IQGAP2: variants seen among roughly 807,000 people sequenced by gnomAD.
IQGAP2 encodes ras GTPase-activating-like protein IQGAP2.
In IQGAP2, 173 loss-of-function variants were observed where a neutral mutation model predicts 201.3. The ratio of observed to expected loss-of-function variants is 0.86; its 90% CI spans 0.76 to 0.98. The LOEUF is 0.98. Among genes scored for constraint, IQGAP2 ranks in the 50% least tolerant of loss-of-function variants. The pLI, the probability that IQGAP2 is intolerant of heterozygous loss-of-function variation, is 0.00. For synonymous variants in IQGAP2, 675 were observed against 673.9 expected (o/e 1.00, Z -0.03); for missense variants, 1,687 against 1,864.8 (o/e 0.90, Z 1.76).
At chr5:76,505,254 T>G (rs1228913966) in intron 2 of IQGAP2, among the ~76,000 whole-genome samples, 1 of 152,152 alleles carries the variant, frequency 6.6e-6, no homozygotes, top group Non-Finnish European at 1.5e-5. Context: ...AATGAATGAG[T>G]GAATGAATGT....
intron 2 of IQGAP2, among the ~76,000 whole-genome samples, chr5:76,491,212 G>A (rs1003917001): frequency 3.9e-5 from 6 of 152,066 alleles, no homozygotes; most frequent in African/African-American, 1.4e-4. Flanking sequence ...TCTTGTTGAT[G>A]CTTCTCTGAA....
chr5:76,539,434 C>T (rs1389062030), intron 2 of IQGAP2, among the ~76,000 whole-genome samples: 2 of 152,184 alleles, frequency 1.3e-5, no homozygotes, highest in Non-Finnish European at 2.9e-5. Flanking sequence ...TGACATGCTC[C>T]GTTCTGCTGC....
At chr5:76,519,711 G>C (rs992682543) in intron 2 of IQGAP2, among the ~76,000 whole-genome samples, 1 of 152,098 alleles carries the variant, frequency 6.6e-6, no homozygotes, top group African/African-American at 2.4e-5. Flanking sequence ...TAAGCTTTTT[G>C]TTTTAGCCAT....
At chr5:76,564,281 T>A (rs903664028) in intron 3 of IQGAP2, among the ~76,000 whole-genome samples, 8 of 152,214 alleles carry the variant, frequency 5.3e-5, no homozygotes, top group African/African-American at 1.9e-4. Flanking sequence ...GACTACAGCT[T>A]GTCTTTTTTT....
chr5:76,443,253 A>C (rs1302894966), intron 1 of IQGAP2, among the ~76,000 whole-genome samples: 1 of 152,220 alleles, frequency 6.6e-6, no homozygotes, highest in African/African-American at 2.4e-5. Flanking sequence ...TCATTTCAAC[A>C]TAACAGTTCT....
chr5:76,589,550 T>G, intron 6 of IQGAP2, 65 bp from the exon 7 acceptor site: 1 of 855,676 alleles, frequency 1.2e-6, no homozygotes, highest in Non-Finnish European at 1.8e-6. Context: ...TTGTACTCAT[T>G]CCTGCATCCA....
At chr5:76,449,826 G>A (rs908901171) in intron 1 of IQGAP2, among the ~76,000 whole-genome samples, 1 of 152,158 alleles carries the variant, frequency 6.6e-6, no homozygotes, top group African/African-American at 2.4e-5. Context: ...TGGCATGAGG[G>A]AATTTACATA....
intron 1 of IQGAP2, among the ~76,000 whole-genome samples, chr5:76,426,450 AC>A (rs1198510564): frequency 2.6e-5 from 4 of 152,182 alleles, no homozygotes; most frequent in Admixed American, 2.0e-4. Flanking sequence ...GGGAAACCAA[AC>A]AGTTGGAGAG....
chr5:76,510,788 C>CT, intron 2 of IQGAP2: 1 of 454,812 alleles, frequency 2.2e-6, no homozygotes, highest in Admixed American at 2.4e-5. Flanking sequence ...TTGGCACCTG[C>CT]CCCCACCTCC....
chr5:76,550,146 T>C (rs1277914126), intron 2 of IQGAP2, among the ~76,000 whole-genome samples: 1 of 152,150 alleles, frequency 6.6e-6, no homozygotes, highest in Non-Finnish European at 1.5e-5. Context: ...GACAAGTTAT[T>C]TGCTTCCAAA....
intron 1 of IQGAP2, among the ~76,000 whole-genome samples, chr5:76,439,383 C>T (rs1217612021): frequency 3.9e-5 from 6 of 152,068 alleles, no homozygotes; most frequent in African/African-American, 9.7e-5. Context: ...GGTTTAAGTC[C>T]AGTGTTCCTT....
rs570976312 is a variant in IQGAP2 at position 76,683,997 on chromosome 5, C to T, written c.3905+80C>T. ...AAATTCAAATGAGGCTAAATCCCAA[C>T]TAATTTATTTAAAAGTATGTGAACA... On this transcript the variant is annotated intron_variant, in intron 30 of 35. Coordinates refer to ENST00000274364, the MANE Select transcript of IQGAP2 (RefSeq NM_006633.5). 6.3e-6 allele frequency: 8 copies of T among 1,267,018 alleles called. No homozygotes were observed. The African/African-American group carries it at 9.0e-5, about 14-fold the overall frequency. 78.5% of individuals were successfully genotyped at this position (1,267,018 alleles called of 1,614,324 possible).
intron 8 of IQGAP2, among the ~76,000 whole-genome samples, chr5:76,591,795 T>C (rs1187658262): frequency 6.6e-6 from 1 of 152,196 alleles, no homozygotes; most frequent in Non-Finnish European, 1.5e-5. Flanking sequence ...TGCCAGCCCA[T>C]CCCAAATTGG....
At chr5:76,438,035 G>GTTTTTTT (rs71604291) in intron 1 of IQGAP2, among the ~76,000 whole-genome samples, 57 of 68,516 alleles carry the variant, frequency 8.3e-4, no homozygotes, top group South Asian at 1.9e-3. Context: ...TTTTTTGTTT[G>GTTTTTTT]TTTTTTTTTT....
chr5:76,637,184 G>A lies in IQGAP2; in HGVS notation c.1923+8G>A, dbSNP rs370693931. The A allele has an allele frequency of 3.8e-5, 61 of 1,596,104 alleles. No individual in the cohort carries two copies. Among genetic ancestry groups the A allele is most frequent in the Middle Eastern group, 3.3e-4 (2 of 5,994 alleles). On this transcript the variant is annotated splice_region_variant and intron_variant, in intron 16 of 35. Coordinates refer to ENST00000274364, the MANE Select transcript of IQGAP2 (RefSeq NM_006633.5). ...ACAGGAAAAGAAATCGAGGTAGGAG[G>A]TTGGTGTTTGATGGATAACTCTACT...
At chr5:76,553,921 A>C (rs1743733923) in intron 2 of IQGAP2, among the ~76,000 whole-genome samples, 1 of 152,172 alleles carries the variant, frequency 6.6e-6, no homozygotes. Context: ...TTTTAGGCCA[A>C]ATTTGAACAC....
chr5:76,623,086 C>A, intron 13 of IQGAP2: 1 of 1,331,916 alleles, frequency 7.5e-7, no homozygotes, highest in Non-Finnish European at 1.1e-6. Flanking sequence ...GTGTGAGATG[C>A]AAAGAAACCT....
At chr5:76,492,832 A>T (rs1275728326) in intron 2 of IQGAP2, among the ~76,000 whole-genome samples, 1 of 152,186 alleles carries the variant, frequency 6.6e-6, no homozygotes, top group Non-Finnish European at 1.5e-5. Flanking sequence ...GTCTGTGATG[A>T]GTAGTGTCCC....
chr5:76,407,537 T>A lies in IQGAP2; in HGVS notation c.46+3946T>A, dbSNP rs542532541. ...CCATAGAAAGGTATACGCAGCCTTATCTTGAGATACTGTCTTCAGTAGACA... is the reference window on the plus strand; with the variant it reads ...CCATAGAAAGGTATACGCAGCCTTAACTTGAGATACTGTCTTCAGTAGACA... On this transcript the variant is annotated intron_variant, in intron 1 of 35. Coordinates refer to ENST00000274364, the MANE Select transcript of IQGAP2 (RefSeq NM_006633.5). 3.9e-5 allele frequency among the ~76,000 whole-genome samples: 6 copies of A among 152,346 alleles called. 1 individual carries two copies. Among genetic ancestry groups the A allele is most frequent in the African/African-American group, 1.4e-4 (6 of 41,574 alleles).
Sources: allele counts gnomAD v4.1 joint callset (sites outside exome capture counted in the v4.1 genomes callset), GRCh38; gene constraint gnomAD v4.1.1; transcripts MANE v1.5; gene names NCBI Gene and HGNC (gene_info 2026-07-23, HGNC 2026-07-21).